TRIM55: variants seen among roughly 807,000 people sequenced by gnomAD.
TRIM55 encodes the protein tripartite motif-containing protein 55.
A neutral mutation model predicts 60.9 loss-of-function variants in TRIM55; 50 were observed. The ratio of observed to expected loss-of-function variants is 0.82; its 90% CI spans 0.65 to 1.04. TRIM55 has a LOEUF of 1.04. Among genes scored for constraint, TRIM55 ranks in the 50% least tolerant of loss-of-function variants. TRIM55 has a pLI of 0.00. For missense variants in TRIM55, 681 were observed against 666.9 expected (o/e 1.02, Z -0.23); for synonymous variants, 237 against 238.1 (o/e 1.00, Z 0.04).
At chr8:66,114,172 AAGCCGTGCCC>A in the TRIM55 span, among the ~76,000 whole-genome samples, 1 of 150,298 alleles carries the variant, frequency 6.7e-6, no homozygotes, top group East Asian at 2.0e-4. Context: ...AACAGATAAT[AAGCCGTGCCC>A]AGCCGTGGGG....
At chr8:66,115,506 GAAGT>G in the TRIM55 span, among the ~76,000 whole-genome samples, 1 of 152,200 alleles carries the variant, frequency 6.6e-6, no homozygotes, top group East Asian at 1.9e-4. Context: ...GAAAGAGCAA[GAAGT>G]AAGTAGTAAG....
chr8:66,114,256 C>T, the TRIM55 span, among the ~76,000 whole-genome samples: 2 of 152,142 alleles, frequency 1.3e-5, no homozygotes, highest in Non-Finnish European at 2.9e-5. Context: ...ATGCCCGCAT[C>T]CTCCAGTTTT....
At chr8:66,122,358 C>T (rs994447245), upstream of TRIM55, among the ~76,000 whole-genome samples, 5 of 152,174 alleles carry the variant, frequency 3.3e-5, no homozygotes, top group African/African-American at 1.2e-4. Context: ...CTCCCCGCTT[C>T]GAATCTTCCC....
intron 9 of TRIM55, among the ~76,000 whole-genome samples, chr8:66,162,318 C>T (rs890806117): frequency 6.6e-6 from 1 of 152,088 alleles, no homozygotes; most frequent in African/African-American, 2.4e-5. Context: ...TGGCATATCA[C>T]ATTTATTGGC....
intron 1 of TRIM55, among the ~76,000 whole-genome samples, chr8:66,128,103 A>G (rs1160807016): frequency 2.6e-5 from 4 of 152,194 alleles, no homozygotes; most frequent in Non-Finnish European, 5.9e-5. Context: ...TTACGTGGAC[A>G]ATGGTATATT....
At chr8:66,161,715 G>A (rs940758767) in intron 9 of TRIM55, among the ~76,000 whole-genome samples, 1 of 148,198 alleles carries the variant, frequency 6.7e-6, no homozygotes, top group African/African-American at 2.5e-5. Context: ...AGATTTCCTG[G>A]TAGAGGTCAT....
chr8:66,125,643 A>G (rs1322975798), upstream of TRIM55, among the ~76,000 whole-genome samples: 1 of 152,246 alleles, frequency 6.6e-6, no homozygotes, highest in Non-Finnish European at 1.5e-5. Flanking sequence ...CAGTAAAAAA[A>G]CTTTACCAGT....
the TRIM55 span, among the ~76,000 whole-genome samples, chr8:66,118,330 A>G: frequency 1.3e-5 from 2 of 151,922 alleles, no homozygotes; most frequent in African/African-American, 4.8e-5. Context: ...TTCAAGCAGA[A>G]GTTGGCAAAC....
chr8:66,175,117 A>G lies in TRIM55; in HGVS notation c.*524A>G, dbSNP rs979051455. 1 of 152,678 alleles carries G rather than the reference A, an allele frequency of 6.5e-6. No individual in the cohort carries two copies. The highest frequency in any genetic ancestry group is 1.5e-5 in the Non-Finnish European group (1 of 68,042). The allele number at this position is 152,678 out of a possible 1,614,324, so 9.5% of individuals were successfully genotyped here. ...GTTTCACAAAGTTTTCCTCTTTTGCATAACAGATGTCACTGGATGTACATT... is the reference window on the plus strand; with the variant it reads ...GTTTCACAAAGTTTTCCTCTTTTGCGTAACAGATGTCACTGGATGTACATT... On this transcript the variant is annotated 3_prime_UTR_variant, in exon 10 of 10. Coordinates refer to ENST00000315962, the MANE Select transcript of TRIM55 (RefSeq NM_184085.2).
upstream of TRIM55, among the ~76,000 whole-genome samples, chr8:66,125,236 C>T (rs1299405190): frequency 2.0e-5 from 3 of 152,258 alleles, no homozygotes; most frequent in African/African-American, 7.2e-5. Context: ...TCGATTGAGA[C>T]CTGTCTCAGG....
the TRIM55 span, among the ~76,000 whole-genome samples, chr8:66,118,771 A>G: frequency 6.6e-6 from 1 of 152,356 alleles, no homozygotes; most frequent in Non-Finnish European, 1.5e-5. Context: ...GGCAGGACTG[A>G]TAACAGAGCC....
At chr8:66,123,811 T>C (rs1808720160), upstream of TRIM55, among the ~76,000 whole-genome samples, 1 of 152,216 alleles carries the variant, frequency 6.6e-6, no homozygotes, top group South Asian at 2.1e-4. Context: ...TGAGCTATGA[T>C]TGCGCCACTG....
chr8:66,144,965 C>G (rs1452435166), intron 4 of TRIM55, among the ~76,000 whole-genome samples: 1 of 152,184 alleles, frequency 6.6e-6, no homozygotes, highest in Non-Finnish European at 1.5e-5. Context: ...TTCACATTAA[C>G]AAAGGCACAG....
intron 9 of TRIM55, among the ~76,000 whole-genome samples, chr8:66,172,437 C>T (rs1218539383): frequency 6.6e-6 from 1 of 152,192 alleles, no homozygotes; most frequent in Non-Finnish European, 1.5e-5. Context: ...CTGGTACTGG[C>T]TTTTCTTTTC....
intron 9 of TRIM55, among the ~76,000 whole-genome samples, chr8:66,173,929 T>G (rs1310842896): frequency 1.3e-5 from 2 of 152,166 alleles, no homozygotes; most frequent in Non-Finnish European, 2.9e-5. Context: ...AATCCCATCA[T>G]GATTTGCCCA....
intron 4 of TRIM55, among the ~76,000 whole-genome samples, chr8:66,145,546 T>C (rs1586203063): frequency 6.6e-6 from 1 of 152,234 alleles, no homozygotes; most frequent in Non-Finnish European, 1.5e-5. Context: ...CAATGCCAGG[T>C]ACAAAGTCAG....
At chr8:66,116,648 G>C in the TRIM55 span, among the ~76,000 whole-genome samples, 1 of 70,028 alleles carries the variant, frequency 1.4e-5, no homozygotes, top group Admixed American at 1.6e-4. Flanking sequence ...CTGGAAACAT[G>C]CATTAAAATG....
chr8:66,161,942 A>C (rs1811075950), intron 9 of TRIM55, among the ~76,000 whole-genome samples: 1 of 151,936 alleles, frequency 6.6e-6, no homozygotes. Flanking sequence ...GATTTTGTAG[A>C]TATATGATCC....
At position 66,142,468 on chromosome 8, in the gene TRIM55, C is replaced by T. The variant is rs374463389; in HGVS notation, c.603+5278C>T. On this transcript the variant is annotated intron_variant, in intron 4 of 9. Transcript: ENST00000315962. ...CCACAGCAGACCAGAGTGAGATAAA[C>T]ATCTGCTCAGTCTGACAAGTGGCTT... Among the ~76,000 whole-genome samples the T allele has an allele frequency of 2.6e-5, 4 of 152,342 alleles. No homozygotes were observed. In the East Asian group the frequency reaches 7.7e-4, roughly 29 times the overall value.
Sources: gnomAD v4.1 joint callset for allele counts (sites outside exome capture counted in the v4.1 genomes callset) on GRCh38, gnomAD v4.1.1 for gene constraint, MANE v1.5 for transcripts, NCBI Gene and HGNC (gene_info 2026-07-23, HGNC 2026-07-21) for gene names.